The following MCCC1 variants were observed in gnomAD, a reference collection of about 807,000 sequenced individuals.
MCCC1 encodes methylcrotonoyl-CoA carboxylase subunit alpha, mitochondrial.
A neutral mutation model predicts 83.8 loss-of-function variants in MCCC1; 64 were observed. The ratio of observed to expected loss-of-function variants is 0.76; its 90% CI spans 0.62 to 0.94. The LOEUF is 0.94. Ranked by LOEUF, MCCC1 falls within the 40% of genes least tolerant of loss-of-function variation. MCCC1 has a pLI of 0.00. For synonymous variants in MCCC1, 322 were observed against 315.4 expected, an observed-to-expected ratio of 1.02 and a Z score of -0.22; for missense variants, 807 against 904.7, an observed-to-expected ratio of 0.89 and a Z score of 1.39.
Position 183,071,224 on chromosome 3 carries a change from C to T in MCCC1, c.625G>A (p.Gly209Ser), listed in dbSNP as rs1249460530. The stretch of plus-strand genomic sequence containing the variant: ...CACAATCTTACTTTTCCTCCTCCAC[C>T]CCGGACGGCTTTAATCATGACAGGA... ...GYPVMIKAVRGGGGKGMRIVR... is the reference protein window; with the variant it reads ...GYPVMIKAVRSGGGKGMRIVR... Residue 209 changes from glycine to serine, a missense_variant, in exon 6 of 19, where the codon GGT becomes AGT. Gly to Ser is a moderately conservative substitution (Grantham distance 56). Transcript: ENST00000265594. The T allele has an allele frequency of 5.0e-6, 8 of 1,614,168 alleles. No individual in the cohort carries two copies. Among genetic ancestry groups the T allele is most frequent in the Non-Finnish European group, 6.8e-6 (8 of 1,180,022 alleles).
At chr3:183,113,702 C>CA (rs199569993) in intron 1 of MCCC1, among the ~76,000 whole-genome samples, 6,693 of 145,544 alleles carry the variant, frequency 0.046, 419 homozygotes, top group African/African-American at 0.13. Context: ...GACTCTGTCT[C>CA]AAAAAAAAAT....
upstream of MCCC1, among the ~76,000 whole-genome samples, chr3:183,101,207 A>G (rs1471436895): frequency 6.6e-6 from 1 of 152,178 alleles, no homozygotes; most frequent in Non-Finnish European, 1.5e-5. Context: ...TGTGCGGCCC[A>G]AGCCTCCCCG....
chr3:183,080,854 T>C (rs1389503356), intron 4 of MCCC1, among the ~76,000 whole-genome samples: 1 of 152,190 alleles, frequency 6.6e-6, no homozygotes, highest in East Asian at 1.9e-4. Context: ...AGAGAGAGCT[T>C]GAGCAGGGAA....
chr3:183,064,667 G>A lies in MCCC1; in HGVS notation c.761+6332C>T, dbSNP rs915984014. Among the ~76,000 whole-genome samples, 9 of 152,220 alleles carry A rather than the reference G, an allele frequency of 5.9e-5. No homozygotes were observed. Among genetic ancestry groups the A allele is most frequent in the African/African-American group, 2.2e-4 (9 of 41,464 alleles). ...CACTGCGGGCACCGGCGGCCACACT[G>A]CCTCGGCCGACCCACGTCCTGGCAT... On this transcript the variant is annotated intron_variant, in intron 7 of 18. Coordinates refer to ENST00000265594, the MANE Select transcript of MCCC1 (RefSeq NM_020166.5). The surrounding 1 kb of genome is among the most constrained non-coding windows in gnomAD (Gnocchi z 4.5).
At position 183,086,685 on chromosome 3, in the gene MCCC1, A is replaced by G. The variant is rs1717912729; in HGVS notation, c.369+8T>C. ...CTTTTGCACTGCAAATCTCTTCACAACCCTCACCTGTGCAGCAGAGGTCTT... is the reference window on the plus strand; with the variant it reads ...CTTTTGCACTGCAAATCTCTTCACAGCCCTCACCTGTGCAGCAGAGGTCTT... On this transcript the variant is annotated splice_region_variant and intron_variant, in intron 4 of 18. Transcript: ENST00000265594. 1.2e-6 allele frequency: 2 copies of G among 1,611,870 alleles called. No homozygotes were observed. Among genetic ancestry groups the G allele is most frequent in the African/African-American group, 1.3e-5 (1 of 74,860 alleles).
intron 13 of MCCC1, among the ~76,000 whole-genome samples, chr3:183,034,765 G>A (rs1713419392): frequency 7.0e-6 from 1 of 143,708 alleles, no homozygotes; most frequent in Non-Finnish European, 1.5e-5. Flanking sequence ...TGTTGGCCCA[G>A]CCCTTATAGG....
chr3:183,020,345 AT>A, intron 16 of MCCC1, 108 bp from the exon 17 acceptor site: 3 of 945,634 alleles, frequency 3.2e-6, no homozygotes, highest in Non-Finnish European at 4.9e-6. Context: ...AATATTAGTC[AT>A]CATGGCCAGG....
intron 4 of MCCC1, among the ~76,000 whole-genome samples, chr3:183,073,924 T>C (rs2108530927): frequency 6.6e-6 from 1 of 152,302 alleles, no homozygotes; most frequent in South Asian, 2.1e-4. Flanking sequence ...TGACAGTCAA[T>C]TTGATAACCT....
intron 9 of MCCC1, among the ~76,000 whole-genome samples, chr3:183,051,424 T>A (rs1223561543): frequency 1.3e-5 from 2 of 152,148 alleles, no homozygotes; most frequent in Non-Finnish European, 2.9e-5. Flanking sequence ...CGGAAAAGGC[T>A]ACATACTGTA....
At chr3:183,084,274 A>G (rs1717729097) in intron 4 of MCCC1, among the ~76,000 whole-genome samples, 1 of 152,222 alleles carries the variant, frequency 6.6e-6, no homozygotes, top group Non-Finnish European at 1.5e-5. Flanking sequence ...CAAGATTTAG[A>G]TGCTTTGGAA....
intron 14 of MCCC1, among the ~76,000 whole-genome samples, chr3:183,027,343 A>G (rs4859151): frequency 0.87 from 132,798 of 152,162 alleles, 58,564 homozygotes; most frequent in Non-Finnish European, 0.93. Context: ...AGAGTTACAT[A>G]TCTCCCACTT....
intron 4 of MCCC1, among the ~76,000 whole-genome samples, chr3:183,082,746 G>T (rs1419765445): frequency 6.6e-6 from 1 of 152,224 alleles, no homozygotes; most frequent in Admixed American, 6.5e-5. Flanking sequence ...GGCAGGCCAA[G>T]AGAGAAGGAT....
exon 1 of MCCC1, chr3:183,115,493 G>C (rs528542349): frequency 1.3e-5 from 2 of 152,234 alleles, no homozygotes; most frequent in African/African-American, 2.4e-5. Flanking sequence ...GCCTGTCCGT[G>C]CCAGCGGATT....
upstream of MCCC1, chr3:183,099,692 G>A (rs1719028247): frequency 3.4e-6 from 2 of 588,294 alleles, no homozygotes; most frequent in Non-Finnish European, 6.1e-6. Context: ...TTGTTTCTGC[G>A]TCCCCTGGGG....
Position 183,020,587 on chromosome 3 carries a change from C to T in MCCC1, c.1870-350G>A, listed in dbSNP as rs538690858. On this transcript the variant is annotated intron_variant, in intron 16 of 18. Transcript: ENST00000265594. Reference sequence around the variant, plus strand: ...TAGAGGCTGCAGTGAGCTAAGACTGCGCCACTGCACTCCAGCCTGGGTGAC... The same window carrying T: ...TAGAGGCTGCAGTGAGCTAAGACTGTGCCACTGCACTCCAGCCTGGGTGAC... Among the ~76,000 whole-genome samples, 14 of 151,866 alleles carry T rather than the reference C, an allele frequency of 9.2e-5. No individual in the cohort carries two copies. In the South Asian group the frequency reaches 1.0e-3, roughly 11 times the overall value.
chr3:183,088,507 T>A (rs1718081636), intron 3 of MCCC1, among the ~76,000 whole-genome samples: 2 of 152,198 alleles, frequency 1.3e-5, no homozygotes, highest in African/African-American at 4.8e-5. Context: ...GTGCCCAGCC[T>A]GTTTTTTACT....
At position 183,026,640 on chromosome 3, in the gene MCCC1, G is replaced by T. The variant is rs545635105; in HGVS notation, c.1682-836C>A. Among the ~76,000 whole-genome samples, 10 of 152,278 alleles carry T rather than the reference G, an allele frequency of 6.6e-5. No individual in the cohort carries two copies. The East Asian group carries it at 1.7e-3, about 27-fold the overall frequency. The stretch of plus-strand genomic sequence containing the variant: ...TAGGAGAATAGCTTGAACCTGCGAG[G>T]TGGAGGTTGCAGTGAGCTGAGATCG... On this transcript the variant is annotated intron_variant, in intron 14 of 18. Transcript: ENST00000265594.
intron 15 of MCCC1, among the ~76,000 whole-genome samples, chr3:183,024,058 C>A (rs1291663731): frequency 6.6e-6 from 1 of 152,128 alleles, no homozygotes; most frequent in African/African-American, 2.4e-5. Context: ...CGAGGCCAGC[C>A]TGACCAACAC....
At chr3:183,028,064 C>T (rs966290254) in intron 14 of MCCC1, among the ~76,000 whole-genome samples, 4 of 152,186 alleles carry the variant, frequency 2.6e-5, no homozygotes, top group Admixed American at 2.6e-4. Flanking sequence ...TTCGAAGCTT[C>T]AAAGGACAGG....
Sources: gnomAD v4.1 joint callset for allele counts (sites outside exome capture counted in the v4.1 genomes callset) on GRCh38, gnomAD v4.1.1 for gene constraint, Gnocchi (gnomAD v3.1) non-coding constraint, MANE v1.5 for transcripts, NCBI Gene and HGNC (gene_info 2026-07-23, HGNC 2026-07-21) for gene names.